The following ROBO1 variants were observed in gnomAD, a reference collection of about 807,000 sequenced individuals.
ROBO1 encodes the protein roundabout guidance receptor 1.
A neutral mutation model predicts 195.9 loss-of-function variants in ROBO1; 149 were observed. The ratio of observed to expected loss-of-function variants is 0.76; its 90% CI spans 0.67 to 0.87. The LOEUF is 0.87. ROBO1 is among the 40% of genes least tolerant of loss of function. ROBO1 has a pLI of 0.00. For missense variants in ROBO1, 1,933 were observed against 2,068.3 expected, an observed-to-expected ratio of 0.93 and a Z score of 1.27; for synonymous variants, 816 against 733.2, an observed-to-expected ratio of 1.11 and a Z score of -1.82.
chr3:78,611,367 G>C (rs1015528160), intron 28 of ROBO1, among the ~76,000 whole-genome samples: 3 of 152,174 alleles, frequency 2.0e-5, no homozygotes, highest in Non-Finnish European at 2.9e-5. Flanking sequence ...TGAAGAGAGA[G>C]GATGGAAAGA....
intron 2 of ROBO1, among the ~76,000 whole-genome samples, chr3:79,199,862 C>T (rs547918644): frequency 2.8e-4 from 43 of 151,752 alleles, no homozygotes; most frequent in Non-Finnish European, 5.6e-4. Context: ...GTAAAGTGTT[C>T]TTGCCCTGTA....
chr3:79,044,484 T>A (rs942213915), intron 3 of ROBO1, among the ~76,000 whole-genome samples: 15 of 152,164 alleles, frequency 9.9e-5, no homozygotes, highest in African/African-American at 3.4e-4. Flanking sequence ...TATAAAAGTA[T>A]AATATCTGGT....
At chr3:78,600,008 A>T in intron 30 of ROBO1, 105 bp downstream of exon 30, 1 of 919,270 alleles carries the variant, frequency 1.1e-6, no homozygotes. Context: ...AGTACTGAAA[A>T]GTTTGCAATA....
intron 4 of ROBO1, among the ~76,000 whole-genome samples, chr3:78,864,023 T>C (rs945447940): frequency 4.6e-5 from 7 of 152,202 alleles, no homozygotes; most frequent in African/African-American, 1.7e-4. Context: ...ATAAGGGCCT[T>C]CAGATAGCTT....
chr3:78,651,932 G>A lies in ROBO1; in HGVS notation c.2615-3C>T. On this transcript the variant is annotated splice_polypyrimidine_tract_variant and splice_region_variant and intron_variant, in intron 18 of 30. Transcript: ENST00000464233. ...TGACACAGGGTTTCCATGGGCATCT[G>A]AAAAGTCATCTTCCGATTAATTTGG... 2.5e-6 allele frequency: 4 copies of A among 1,611,084 alleles called. No individual in the cohort carries two copies. The highest frequency in any genetic ancestry group is 3.4e-6 in the Non-Finnish European group (4 of 1,178,488).
At chr3:79,453,714 T>C (rs1430485922) in intron 2 of ROBO1, among the ~76,000 whole-genome samples, 1 of 152,012 alleles carries the variant, frequency 6.6e-6, no homozygotes, top group East Asian at 1.9e-4. Flanking sequence ...TTGACTAGAA[T>C]AAATCACAGC....
intron 3 of ROBO1, among the ~76,000 whole-genome samples, chr3:78,961,046 T>C (rs1017527546): frequency 6.6e-6 from 1 of 152,146 alleles, no homozygotes; most frequent in Non-Finnish European, 1.5e-5. Context: ...TCCTTCATAA[T>C]AGTTTTGAAC....
chr3:79,209,929 C>A (rs188230766), intron 2 of ROBO1, among the ~76,000 whole-genome samples: 1 of 152,058 alleles, frequency 6.6e-6, no homozygotes, highest in Non-Finnish European at 1.5e-5. Flanking sequence ...AGAATTCAAT[C>A]CCCTTTTTTA....
intron 3 of ROBO1, among the ~76,000 whole-genome samples, chr3:79,002,528 C>T (rs2077529797): frequency 2.0e-5 from 3 of 152,030 alleles, no homozygotes. Context: ...TCACAGTTCA[C>T]CAGTGATAGT....
intron 2 of ROBO1, among the ~76,000 whole-genome samples, chr3:79,513,586 A>G (rs1488247367): frequency 1.3e-5 from 2 of 152,174 alleles, no homozygotes; most frequent in Non-Finnish European, 2.9e-5. Flanking sequence ...TCAATTTATA[A>G]TGACATCTTT....
chr3:79,682,052 T>A (rs1447383674), intron 1 of ROBO1, among the ~76,000 whole-genome samples: 1 of 152,018 alleles, frequency 6.6e-6, no homozygotes, highest in Admixed American at 6.6e-5. Flanking sequence ...TTTTCTTCTT[T>A]AAAGTAAATC....
chr3:78,718,811 GGAGGGAGAGAGGGAGA>G (rs1303977498), intron 5 of ROBO1, among the ~76,000 whole-genome samples: 4 of 127,458 alleles, frequency 3.1e-5, no homozygotes, highest in Non-Finnish European at 4.9e-5. Context: ...AGGAAGGGAG[GGAGGGAGAGAGGGAGA>G]GAGGGAGAGA....
intron 2 of ROBO1, among the ~76,000 whole-genome samples, chr3:79,373,067 C>T (rs944207149): frequency 2.0e-5 from 3 of 151,878 alleles, no homozygotes; most frequent in African/African-American, 7.3e-5. Flanking sequence ...TTGAAACGAC[C>T]CAATCTGTGG....
rs1339709534 is a variant in ROBO1 at position 79,503,450 on chromosome 3, A to G, written c.88+86374T>C. Among the ~76,000 whole-genome samples, 4 of 152,272 alleles carry G rather than the reference A, an allele frequency of 2.6e-5. No homozygotes were observed. The East Asian group carries it at 7.7e-4, about 29-fold the overall frequency. On this transcript the variant is annotated intron_variant, in intron 2 of 30. Transcript: ENST00000464233. ...TTGAAGTCAGTGAGACCAAGAACCT[A>G]CCAATTCCGGACACACAAGCACAAT...
chr3:78,980,134 A>C (rs2107979062), intron 3 of ROBO1, among the ~76,000 whole-genome samples: 1 of 152,296 alleles, frequency 6.6e-6, no homozygotes, highest in Non-Finnish European at 1.5e-5. Context: ...TTAATGTTAT[A>C]ATTATATTTA....
intron 2 of ROBO1, among the ~76,000 whole-genome samples, chr3:79,217,869 C>G (rs2082080272): frequency 6.6e-6 from 1 of 151,540 alleles, no homozygotes; most frequent in African/African-American, 2.4e-5. Flanking sequence ...GAATTCCAAG[C>G]AAAATTTACT....
intron 4 of ROBO1, among the ~76,000 whole-genome samples, chr3:78,905,022 T>C (rs2037817337): frequency 8.7e-6 from 1 of 114,856 alleles, no homozygotes; most frequent in Admixed American, 7.7e-5. Context: ...TAAAGTCATA[T>C]TTATTATGGG....
chr3:79,509,154 T>C (rs899480032), intron 2 of ROBO1, among the ~76,000 whole-genome samples: 1 of 152,074 alleles, frequency 6.6e-6, no homozygotes, highest in Non-Finnish European at 1.5e-5. Flanking sequence ...TGGATTCAGA[T>C]CTATTATGTA....
intron 3 of ROBO1, among the ~76,000 whole-genome samples, chr3:79,115,669 T>G (rs1056368150): frequency 5.3e-5 from 8 of 152,166 alleles, no homozygotes; most frequent in African/African-American, 1.9e-4. Flanking sequence ...CAATATTATA[T>G]CAGGTCTACC....
Sources: allele counts gnomAD v4.1 joint callset (sites outside exome capture counted in the v4.1 genomes callset), GRCh38; gene constraint gnomAD v4.1.1; transcripts MANE v1.5; gene names NCBI Gene and HGNC (gene_info 2026-07-23, HGNC 2026-07-21).